The following SCAPER variants were observed in gnomAD, a reference collection of about 807,000 sequenced individuals.
SCAPER encodes the protein S-phase cyclin A associated protein in the ER.
Under a neutral mutation model 182.2 loss-of-function variants are expected in SCAPER, and 98 were observed. The observed-to-expected ratio is 0.54, with a 90% confidence interval of 0.46 to 0.64. The LOEUF (loss-of-function observed/expected upper bound fraction) is 0.64, where lower values mean the gene tolerates loss of function less well. SCAPER is among the 30% of genes least tolerant of loss of function. SCAPER has a pLI of 0.00. For synonymous variants in SCAPER, 605 were observed against 564.6 expected, an observed-to-expected ratio of 1.07 and a Z score of -1.01; for missense variants, 1,432 against 1,690.0, an observed-to-expected ratio of 0.85 and a Z score of 2.68.
At position 76,439,560 on chromosome 15, in the gene SCAPER, A is replaced by G. The variant is rs11855278; in HGVS notation, c.3079-5250T>C. 8.2e-3 allele frequency among the ~76,000 whole-genome samples: 1,243 copies of G among 152,316 alleles called. 12 individuals carry two copies. The highest frequency in any genetic ancestry group is 0.028 in the African/African-American group (1,179 of 41,548). On this transcript the variant is annotated intron_variant, in intron 25 of 31. Coordinates refer to ENST00000563290, the MANE Select transcript of SCAPER (RefSeq NM_020843.4). ...CATGAAATATGCACTTATGTGAGTG[A>G]GTTCTGATATTTGCTTATAGAGCAA...
chr15:76,447,501 T>C (rs1191740400), intron 25 of SCAPER, among the ~76,000 whole-genome samples: 1 of 152,106 alleles, frequency 6.6e-6, no homozygotes, highest in Admixed American at 6.5e-5. Flanking sequence ...GGTATGATGC[T>C]ACCTTCAAGT....
intron 24 of SCAPER, among the ~76,000 whole-genome samples, chr15:76,482,452 C>T (rs2051222756): frequency 6.6e-6 from 1 of 151,988 alleles, no homozygotes; most frequent in Non-Finnish European, 1.5e-5. Flanking sequence ...CAGATCTTTC[C>T]CCCCAAGATT....
intron 21 of SCAPER, among the ~76,000 whole-genome samples, chr15:76,625,097 T>C (rs879309694): frequency 2.6e-5 from 4 of 152,078 alleles, no homozygotes; most frequent in Admixed American, 6.5e-5. Context: ...TGGACTGGGC[T>C]GGGCAGTCCC....
intron 1 of SCAPER, among the ~76,000 whole-genome samples, chr15:76,896,483 TAAAGAG>T (rs2074440250): frequency 6.6e-6 from 1 of 151,994 alleles, no homozygotes; most frequent in Non-Finnish European, 1.5e-5. Flanking sequence ...ATAACACAAA[TAAAGAG>T]AAAGACATCC....
chr15:76,800,343 T>C lies in SCAPER; in HGVS notation c.516A>G (p.Glu172=), dbSNP rs953865404. Residue 172 remains glutamate (E), a synonymous_variant, in exon 7 of 32, where the codon GAA becomes GAG. Transcript: ENST00000563290. ...GGCGTCCCGGAGACATCTTCTTTAC[T>C]TCCCATGCCAATGATGTTGGTCTGC... ...AQSRPTSLAW[E]VKKMSPGRHV... 21 of 1,611,672 alleles carry C rather than the reference T, an allele frequency of 1.3e-5. No individual in the cohort carries two copies. The highest frequency in any genetic ancestry group is 1.8e-5 in the Non-Finnish European group (21 of 1,178,116).
At chr15:76,608,899 C>T (rs1398650662) in intron 22 of SCAPER, among the ~76,000 whole-genome samples, 2 of 152,094 alleles carry the variant, frequency 1.3e-5, no homozygotes, top group African/African-American at 4.8e-5. Context: ...TGGGAGTGAC[C>T]CGATTTTCCA....
Position 76,639,220 on chromosome 15 carries a change from T to A in SCAPER, c.2646-17391A>T, listed in dbSNP as rs149091979. Among the ~76,000 whole-genome samples the A allele has an allele frequency of 3.5e-3, 537 of 152,334 alleles. 3 individuals are homozygous for A. In the Middle Eastern group the frequency reaches 0.041, roughly 12 times the overall value. On this transcript the variant is annotated intron_variant, in intron 21 of 31. Transcript: ENST00000563290. ...GACTGTGTTAGTTCAGAAGGAACTG[T>A]GTTATTTAATTCTTCTCACTACGCC...
chr15:76,688,265 C>T (rs912390614), intron 20 of SCAPER, among the ~76,000 whole-genome samples: 3 of 152,126 alleles, frequency 2.0e-5, no homozygotes, highest in Non-Finnish European at 2.9e-5. Flanking sequence ...TCATATCCTC[C>T]GCCCACTTTT....
intron 29 of SCAPER, among the ~76,000 whole-genome samples, chr15:76,356,630 C>T (rs993810705): frequency 2.0e-5 from 3 of 152,186 alleles, no homozygotes; most frequent in Non-Finnish European, 1.5e-5. Flanking sequence ...AACTGTTGGT[C>T]TGTCACCTTT....
intron 23 of SCAPER, among the ~76,000 whole-genome samples, chr15:76,568,378 A>T (rs562770174): frequency 2.0e-5 from 3 of 151,026 alleles, no homozygotes; most frequent in African/African-American, 7.3e-5. Flanking sequence ...TCCCTGCGCC[A>T]CAAGTCTCTC....
chr15:76,547,493 T>C (rs1403159487), intron 23 of SCAPER, among the ~76,000 whole-genome samples: 4 of 152,152 alleles, frequency 2.6e-5, no homozygotes, highest in Non-Finnish European at 4.4e-5. Context: ...CTGAAGAATT[T>C]TTTTAGTTTA....
chr15:76,566,725 C>T (rs1424520426), intron 23 of SCAPER, among the ~76,000 whole-genome samples: 1 of 151,914 alleles, frequency 6.6e-6, no homozygotes, highest in Non-Finnish European at 1.5e-5. Context: ...AATAATTGAA[C>T]ATTTCTTCAA....
intron 23 of SCAPER, among the ~76,000 whole-genome samples, chr15:76,548,562 T>C (rs1397961674): frequency 1.3e-5 from 2 of 152,218 alleles, no homozygotes; most frequent in African/African-American, 4.8e-5. Flanking sequence ...AAACACTGCA[T>C]CTGTAAGCGC....
intron 23 of SCAPER, among the ~76,000 whole-genome samples, chr15:76,513,759 A>G (rs1363562919): frequency 1.3e-5 from 2 of 152,198 alleles, no homozygotes; most frequent in African/African-American, 4.8e-5. Context: ...AGCATCCAGA[A>G]AAAGCAAGTA....
At chr15:76,822,206 T>A (rs1323938723) in intron 5 of SCAPER, among the ~76,000 whole-genome samples, 1 of 152,136 alleles carries the variant, frequency 6.6e-6, no homozygotes, top group Admixed American at 6.5e-5. Context: ...TTGTAACAAA[T>A]ATACCACTCA....
intron 20 of SCAPER, among the ~76,000 whole-genome samples, chr15:76,699,247 CCT>C (rs2058802650): frequency 1.3e-5 from 2 of 152,078 alleles, no homozygotes; most frequent in Non-Finnish European, 2.9e-5. Context: ...TATTTGGATG[CCT>C]CTGATTCTTT....
At chr15:76,582,629 G>T (rs772992694) in intron 22 of SCAPER, among the ~76,000 whole-genome samples, 2 of 152,098 alleles carry the variant, frequency 1.3e-5, no homozygotes, top group Non-Finnish European at 2.9e-5. Context: ...TACAGAAGAC[G>T]CAAAATAGCC....
intron 23 of SCAPER, among the ~76,000 whole-genome samples, chr15:76,537,919 A>C (rs1425146249): frequency 1.3e-5 from 2 of 152,118 alleles, no homozygotes; most frequent in Admixed American, 6.5e-5. Context: ...ATGAACAGAC[A>C]CTTCTCAAAA....
intron 22 of SCAPER, among the ~76,000 whole-genome samples, chr15:76,610,263 C>A (rs1291367984): frequency 6.6e-6 from 1 of 152,068 alleles, no homozygotes; most frequent in Non-Finnish European, 1.5e-5. Context: ...CCTAATGTCA[C>A]CCCAGCCAGC....
Sources: gnomAD v4.1 joint callset for allele counts (sites outside exome capture counted in the v4.1 genomes callset) on GRCh38, gnomAD v4.1.1 for gene constraint, MANE v1.5 for transcripts, NCBI Gene and HGNC (gene_info 2026-07-23, HGNC 2026-07-21) for gene names.